The following C19orf47 variants were observed in gnomAD, a reference collection of about 807,000 sequenced individuals.
C19orf47 encodes the protein uncharacterized protein C19orf47.
Under a neutral mutation model 32.3 loss-of-function variants are expected in C19orf47, and 18 were observed. The observed-to-expected ratio is 0.56, with a 90% CI of 0.39 to 0.83. The LOEUF is 0.83. Among genes scored for constraint, C19orf47 ranks in the 40% least tolerant of loss-of-function variants. C19orf47 has a pLI of 0.00. For missense variants in C19orf47, 484 were observed against 531.6 expected, an observed-to-expected ratio of 0.91 and a Z score of 0.88; for synonymous variants, 202 against 211.1, an observed-to-expected ratio of 0.96 and a Z score of 0.37.
intron 7 of C19orf47, among the ~76,000 whole-genome samples, chr19:40,325,352 G>A (rs1034535804): frequency 2.6e-5 from 4 of 152,058 alleles, no homozygotes; most frequent in African/African-American, 9.7e-5. Context: ...ACTAGGCTGA[G>A]TGTGGTGGCT....
chr19:40,320,269 T>A lies in C19orf47; in HGVS notation c.*1613A>T, dbSNP rs1403952398. 2 of 155,624 alleles carry A rather than the reference T, an allele frequency of 1.3e-5. No individual in the cohort carries two copies. The highest frequency in any genetic ancestry group is 4.8e-5 in the African/African-American group (2 of 41,548). The allele number at this position is 155,624 out of a possible 1,614,324, so 9.6% of individuals were successfully genotyped here. A position where few individuals can be genotyped will look rare whatever the true frequency, so the allele number is the denominator to read the frequency against. ...CAGAAGCCAGAGCGATGATCCTAAA[T>A]GAAACTCAGCTCAGCACATCCCAGC... On this transcript the variant is annotated 3_prime_UTR_variant, in exon 9 of 9. Transcript: ENST00000683109.
At chr19:40,297,231 G>A in the C19orf47 span, among the ~76,000 whole-genome samples, 2 of 152,174 alleles carry the variant, frequency 1.3e-5, no homozygotes, top group African/African-American at 4.8e-5. Context: ...TATGGTCCTT[G>A]CTTAGATGAT....
At position 40,322,360 on chromosome 19, in the gene C19orf47, C is replaced by G; in HGVS notation, c.680G>C (p.Ser227Thr). The G allele has an allele frequency of 6.3e-7, 1 of 1,590,316 alleles. No homozygotes were observed. Among genetic ancestry groups the G allele is most frequent in the Non-Finnish European group, 8.6e-7 (1 of 1,165,580 alleles). The part of the protein sequence containing the change: ...TTGSKPTGVF[S>T]RLGATPETDE... ...CGTTTCTGGGGTGGCCCCCAGGCGG[C>G]TGAAGACTCCTGTGGGCTGTGGAGG... Residue 227 changes from serine (S) to threonine (T), a missense_variant, in exon 9 of 9, where the codon AGC becomes ACC. Ser to Thr is a moderately conservative substitution (Grantham distance 58, BLOSUM62 1). Transcript: ENST00000683109.
chr19:40,315,663 C>T (rs2077657009), downstream of C19orf47, among the ~76,000 whole-genome samples: 1 of 151,998 alleles, frequency 6.6e-6, no homozygotes, highest in South Asian at 2.1e-4. Flanking sequence ...GCCTGTAATC[C>T]CAGCCACTCA....
chr19:40,342,903 C>A (rs972434156), intron 1 of C19orf47, among the ~76,000 whole-genome samples: 1 of 152,086 alleles, frequency 6.6e-6, no homozygotes, highest in Non-Finnish European at 1.5e-5. Context: ...GAAGTGGCGA[C>A]CTGATCATGA....
chr19:40,295,683 G>GC, the C19orf47 span, among the ~76,000 whole-genome samples: 24 of 151,924 alleles, frequency 1.6e-4, no homozygotes, highest in Admixed American at 1.4e-3. Flanking sequence ...TGATCCGCCC[G>GC]CCTCAGCCTC....
chr19:40,314,119 G>C, the C19orf47 span, among the ~76,000 whole-genome samples: 1 of 152,072 alleles, frequency 6.6e-6, no homozygotes, highest in Non-Finnish European at 1.5e-5. Flanking sequence ...GAGCCTGAAA[G>C]TAAGGACACA....
downstream of C19orf47, among the ~76,000 whole-genome samples, chr19:40,315,267 C>G (rs2077654173): frequency 6.6e-6 from 1 of 152,192 alleles, no homozygotes; most frequent in Non-Finnish European, 1.5e-5. Flanking sequence ...ACCCCAATGT[C>G]AGATGTCATT....
intron 2 of C19orf47, among the ~76,000 whole-genome samples, chr19:40,340,394 T>C (rs2078152403): frequency 6.6e-6 from 1 of 152,122 alleles, no homozygotes; most frequent in African/African-American, 2.4e-5. Flanking sequence ...TTATAAAGAA[T>C]ACAGGCAGCC....
downstream of C19orf47, among the ~76,000 whole-genome samples, chr19:40,317,547 G>T (rs1053562524): frequency 6.6e-6 from 1 of 152,036 alleles, no homozygotes; most frequent in African/African-American, 2.4e-5. Context: ...ATAACGGGTG[G>T]GCCACTGTGA....
chr19:40,306,065 C>T, the C19orf47 span, among the ~76,000 whole-genome samples: 4 of 149,106 alleles, frequency 2.7e-5, no homozygotes, highest in East Asian at 4.0e-4. Flanking sequence ...GCAGGAGAAT[C>T]GCTTGAACCC....
In C19orf47 at chr19:40,340,296, TAG is replaced by T. The variant is rs569968526; in HGVS notation, c.19+1541_19+1542del. Among the ~76,000 whole-genome samples the T allele has an allele frequency of 2.2e-3, 340 of 152,284 alleles. 1 individual carries two copies. The highest frequency in any genetic ancestry group is 4.1e-3 in the Non-Finnish European group (278 of 68,024). On this transcript the variant is annotated intron_variant, in intron 2 of 8. Coordinates refer to ENST00000683109, the MANE Select transcript of C19orf47 (RefSeq NM_001256441.2). Reference sequence around the variant, plus strand: ...ACCTCAGAACCCTTTATATTACCTTTAGAGTCTCTACTCACTCCTTCCCAGAG... The same window carrying T: ...ACCTCAGAACCCTTTATATTACCTTTAGTCTCTACTCACTCCTTCCCAGAG...
At chr19:40,302,500 T>C in the C19orf47 span, among the ~76,000 whole-genome samples, 1 of 152,132 alleles carries the variant, frequency 6.6e-6, no homozygotes, top group Non-Finnish European at 1.5e-5. Context: ...TTTGCCATGT[T>C]GCCCAGGCTG....
chr19:40,346,805 C>A (rs535550748), intron 1 of C19orf47, among the ~76,000 whole-genome samples: 1 of 152,162 alleles, frequency 6.6e-6, no homozygotes, highest in African/African-American at 2.4e-5. Context: ...GGATTACAGG[C>A]GTGAGCCACC....
chr19:40,314,882 T>C (rs1037184356), downstream of C19orf47, among the ~76,000 whole-genome samples: 4 of 152,298 alleles, frequency 2.6e-5, no homozygotes, highest in East Asian at 7.7e-4. Flanking sequence ...AAATGACACT[T>C]CCCCTTTGAG....
At chr19:40,346,710 T>C (rs1233354493) in intron 1 of C19orf47, among the ~76,000 whole-genome samples, 3 of 151,556 alleles carry the variant, frequency 2.0e-5, no homozygotes. Flanking sequence ...GTAGTTTTAG[T>C]AGAGACGGGG....
chr19:40,309,885 G>A, the C19orf47 span, among the ~76,000 whole-genome samples: 1 of 152,182 alleles, frequency 6.6e-6, no homozygotes, highest in Non-Finnish European at 1.5e-5. Flanking sequence ...TGGTGAGGAT[G>A]TGGAGAAAAT....
At chr19:40,316,720 C>G (rs73557743), downstream of C19orf47, among the ~76,000 whole-genome samples, 1 of 152,170 alleles carries the variant, frequency 6.6e-6, no homozygotes, top group Non-Finnish European at 1.5e-5. Flanking sequence ...AGATCTGCAA[C>G]GGACTCATCA....
At chr19:40,310,844 G>A in the C19orf47 span, among the ~76,000 whole-genome samples, 2 of 152,076 alleles carry the variant, frequency 1.3e-5, no homozygotes, top group African/African-American at 2.4e-5. Flanking sequence ...GATGACTGAC[G>A]GATCCAGAGT....
Sources: gnomAD v4.1 joint callset for allele counts (sites outside exome capture counted in the v4.1 genomes callset) on GRCh38, gnomAD v4.1.1 for gene constraint, MANE v1.5 for transcripts, NCBI Gene and HGNC (gene_info 2026-07-23, HGNC 2026-07-21) for gene names.